RIMS1: variants seen among roughly 807,000 people sequenced by gnomAD.
RIMS1 encodes the protein regulating synaptic membrane exocytosis protein 1.
In RIMS1, 83 loss-of-function variants were observed where a neutral mutation model predicts 214.1. The ratio of observed to expected loss-of-function variants is 0.39; its 90% CI spans 0.32 to 0.47. RIMS1 has a LOEUF of 0.47. RIMS1 is among the 20% of genes least tolerant of loss of function. The pLI is 0.99. For synonymous variants in RIMS1, 793 were observed against 786.8 expected, an observed-to-expected ratio of 1.01 and a Z score of -0.13; for missense variants, 2,050 against 2,161.8, an observed-to-expected ratio of 0.95 and a Z score of 1.03.
intron 29 of RIMS1, among the ~76,000 whole-genome samples, chr6:72,347,933 A>G (rs1039762593): frequency 2.0e-5 from 3 of 151,936 alleles, no homozygotes; most frequent in Non-Finnish European, 4.4e-5. Context: ...AATCAAGGGT[A>G]ATGACCACGC....
chr6:72,169,922 A>G (rs932441218), intron 4 of RIMS1, among the ~76,000 whole-genome samples: 13 of 152,124 alleles, frequency 8.5e-5, no homozygotes, highest in African/African-American at 3.1e-4. Context: ...AAAACAAAAC[A>G]TATGTGAGAT....
At chr6:72,102,114 A>T (rs1191848428) in intron 4 of RIMS1, among the ~76,000 whole-genome samples, 2 of 152,060 alleles carry the variant, frequency 1.3e-5, no homozygotes, top group Non-Finnish European at 2.9e-5. Context: ...GTGGCAGAGG[A>T]TTGAATTTAG....
At position 72,146,322 on chromosome 6, in the gene RIMS1, A is replaced by C. The variant is rs2042748500; in HGVS notation, c.472-33253A>C. On this transcript the variant is annotated intron_variant, in intron 4 of 33. Coordinates refer to ENST00000521978, the MANE Select transcript of RIMS1 (RefSeq NM_014989.7). ...TTCTTCAGTAGTTTATTTGCAAGGC[A>C]AACAAAAATCTTTCATTATCCTTTT... Among the ~76,000 whole-genome samples, 5 of 152,344 alleles carry C rather than the reference A, an allele frequency of 3.3e-5. 1 individual carries two copies. Among genetic ancestry groups the C allele is most frequent in the Non-Finnish European group, 7.3e-5 (5 of 68,034 alleles).
intron 2 of RIMS1, among the ~76,000 whole-genome samples, chr6:72,071,387 G>A (rs1830552608): frequency 6.6e-6 from 1 of 152,134 alleles, no homozygotes; most frequent in African/African-American, 2.4e-5. Flanking sequence ...CTGGGTGACA[G>A]AGTGAGACCT....
At chr6:71,970,255 T>C (rs1402897718) in intron 2 of RIMS1, among the ~76,000 whole-genome samples, 1 of 152,218 alleles carries the variant, frequency 6.6e-6, no homozygotes, top group Admixed American at 6.5e-5. Flanking sequence ...CTTTAAATGA[T>C]GTTGTCATTT....
At chr6:72,294,581 G>A (rs751499182) in intron 26 of RIMS1, among the ~76,000 whole-genome samples, 8 of 151,508 alleles carry the variant, frequency 5.3e-5, no homozygotes, top group Non-Finnish European at 1.0e-4. Flanking sequence ...CCGTTTCTGG[G>A]TACAGTTATC....
chr6:71,972,101 G>A (rs1408237220), intron 2 of RIMS1, among the ~76,000 whole-genome samples: 1 of 152,144 alleles, frequency 6.6e-6, no homozygotes, highest in African/African-American at 2.4e-5. Flanking sequence ...TAAGGAATGA[G>A]TAAAGTATGA....
At chr6:71,896,360 ATAT>A (rs1771775870) in intron 1 of RIMS1, among the ~76,000 whole-genome samples, 1 of 152,178 alleles carries the variant, frequency 6.6e-6, no homozygotes. Flanking sequence ...TCTGAAAAAG[ATAT>A]TATGGTCTAA....
At chr6:72,238,013 A>G (rs932556396) in intron 9 of RIMS1, 91 bp downstream of exon 9, 18 of 668,272 alleles carry the variant, frequency 2.7e-5, no homozygotes, top group Non-Finnish European at 4.6e-5. Flanking sequence ...TTTTATATAT[A>G]CATACATACA....
intron 1 of RIMS1, among the ~76,000 whole-genome samples, chr6:71,940,131 G>T (rs1322389047): frequency 6.6e-6 from 1 of 152,116 alleles, no homozygotes; most frequent in African/African-American, 2.4e-5. Flanking sequence ...TTCTTATTAG[G>T]AATTACAGTG....
intron 6 of RIMS1, among the ~76,000 whole-genome samples, chr6:72,222,934 A>G (rs754968839): frequency 9.2e-5 from 14 of 152,322 alleles, no homozygotes; most frequent in Non-Finnish European, 1.3e-4. Context: ...TTGAGGGCAC[A>G]TAGACTCTTA....
intron 16 of RIMS1, among the ~76,000 whole-genome samples, chr6:72,253,159 T>G (rs1031931931): frequency 6.6e-6 from 1 of 152,178 alleles, no homozygotes; most frequent in Admixed American, 6.6e-5. Flanking sequence ...AATTCCATTT[T>G]TCTGTGTTTT....
chr6:71,898,617 C>G (rs963138153), intron 1 of RIMS1, among the ~76,000 whole-genome samples: 1 of 152,164 alleles, frequency 6.6e-6, no homozygotes, highest in Non-Finnish European at 1.5e-5. Context: ...CTGCAAATAC[C>G]TGTACCTAAA....
chr6:72,330,362 A>C (rs1435231232), intron 28 of RIMS1, among the ~76,000 whole-genome samples: 1 of 151,816 alleles, frequency 6.6e-6, no homozygotes, highest in Non-Finnish European at 1.5e-5. Flanking sequence ...TTTTTCAGCA[A>C]AAAGTCTACA....
Position 72,245,894 on chromosome 6 carries a change from T to C in RIMS1, c.2128+33T>C, listed in dbSNP as rs750668354. On this transcript the variant is annotated intron_variant, in intron 11 of 33. Coordinates refer to ENST00000521978, the MANE Select transcript of RIMS1 (RefSeq NM_014989.7). ...TAAGGTTTCTTTGTTATTATAAAAG[T>C]ATTGAACTAATTGAAAGTAAAGATT... The C allele has an allele frequency of 7.7e-6, 11 of 1,430,432 alleles. No homozygotes were observed. In the East Asian group the frequency reaches 2.3e-4, roughly 30 times the overall value. The allele number at this position is 1,430,432 out of a possible 1,614,324, so 88.6% of individuals were successfully genotyped here.
At position 72,274,351 on chromosome 6, in the gene RIMS1, G is replaced by A. The variant is rs766454945; in HGVS notation, c.3401G>A (p.Gly1134Asp). The A allele has an allele frequency of 6.2e-7, 1 of 1,609,544 alleles. No homozygotes were observed. The highest frequency in any genetic ancestry group is 8.5e-7 in the Non-Finnish European group (1 of 1,176,576). The change falls in exon 23 of 34, where the codon GGT (glycine) becomes GAT (aspartate). Residue 1134 changes from glycine (G) to aspartate (D), a missense_variant and splice_region_variant. Around this residue, in one of 6 missense-constraint regions of RIMS1, gnomAD observed 889 missense variants for 885.5 expected, o/e 1.00. Transcript: ENST00000521978. Reference sequence around the variant, plus strand: ...TGTCTTGTTCACTGGGCAAACAGGGGTAGATGGTCCCCCTCCCTAGATAGG... The same window carrying A: ...TGTCTTGTTCACTGGGCAAACAGGGATAGATGGTCCCCCTCCCTAGATAGG... Reference protein sequence around the residue: ...TSLHSPERERGRWSPSLDRRR... With the variant: ...TSLHSPERERDRWSPSLDRRR...
At chr6:72,069,202 C>A (rs967976408) in intron 2 of RIMS1, among the ~76,000 whole-genome samples, 13 of 152,144 alleles carry the variant, frequency 8.5e-5, no homozygotes, top group African/African-American at 3.1e-4. Flanking sequence ...CCTAATTTTC[C>A]CTGCTTCTGA....
intron 10 of RIMS1, among the ~76,000 whole-genome samples, chr6:72,242,772 G>T (rs2067519334): frequency 6.6e-6 from 1 of 151,698 alleles, no homozygotes; most frequent in South Asian, 2.1e-4. Flanking sequence ...TTTCCTTTAA[G>T]AGAGGCACTA....
chr6:72,007,062 G>C (rs1034785679), intron 2 of RIMS1, among the ~76,000 whole-genome samples: 1 of 152,176 alleles, frequency 6.6e-6, no homozygotes, highest in African/African-American at 2.4e-5. Context: ...AGCCTAACTG[G>C]GAGGCCCCCC....
Sources: allele counts gnomAD v4.1 joint callset (sites outside exome capture counted in the v4.1 genomes callset), GRCh38; gene constraint gnomAD v4.1.1; regional missense constraint gnomAD v4.1.1; transcripts MANE v1.5; gene names NCBI Gene and HGNC (gene_info 2026-07-23, HGNC 2026-07-21).